Variants in CEP250 observed in about 807,000 individuals in gnomAD.
CEP250 encodes the protein centrosome-associated protein CEP250.
Under a neutral mutation model 315.7 loss-of-function variants are expected in CEP250, and 242 were observed. The ratio of observed to expected loss-of-function variants is 0.77; its 90% CI spans 0.69 to 0.85. The LOEUF (loss-of-function observed/expected upper bound fraction) is 0.85. Among genes scored for constraint, CEP250 ranks in the 40% least tolerant of loss-of-function variants. The probability of loss-of-function intolerance (pLI) is 0.00; values close to 1 mark genes in which losing one functional copy is unlikely to be tolerated. For synonymous variants in CEP250, 1,088 were observed against 1,175.0 expected, an observed-to-expected ratio of 0.93 and a Z score of 1.51; for missense variants, 2,515 against 2,886.4, an observed-to-expected ratio of 0.87 and a Z score of 2.95.
At position 35,507,783 on chromosome 20, in the gene CEP250, C is replaced by T. The variant is rs768366813; in HGVS notation, c.6682C>T (p.His2228Tyr). The T allele has an allele frequency of 3.8e-6, 6 of 1,564,582 alleles. No homozygotes were observed. The highest frequency in any genetic ancestry group is 2.4e-5 in the East Asian group (1 of 41,688). ...TRRALEKERL[H>Y]SPGATSTAEL... ...ACGGGCTCTGGAGAAGGAGCGGCTACACAGCCCAGGTGCAACCAGCACAGC... is the reference window on the plus strand; with the variant it reads ...ACGGGCTCTGGAGAAGGAGCGGCTATACAGCCCAGGTGCAACCAGCACAGC... Residue 2228 changes from histidine to tyrosine, a missense_variant, in exon 31 of 35, where the codon CAC becomes TAC. Physicochemically the swap from His to Tyr is moderately conservative, Grantham distance 83. Transcript: ENST00000397527.
At position 35,493,419 on chromosome 20, in the gene CEP250, C is replaced by T. The variant is rs1187353026; in HGVS notation, c.2890-10C>T. ...TTTCCTCTACTCAATGATTTCTTAT[C>T]CCTCTTCAGGAGACCACTGGGATAC... is the stretch of plus-strand genomic sequence containing the variant. On this transcript the variant is annotated splice_polypyrimidine_tract_variant and intron_variant, in intron 22 of 34. Transcript: ENST00000397527. The T allele has an allele frequency of 6.5e-7, 1 of 1,546,564 alleles. No homozygotes were observed. The highest frequency in any genetic ancestry group is 2.4e-5 in the East Asian group (1 of 42,030).
intron 20 of CEP250, chr20:35,481,142 G>A (rs562299227): frequency 1.3e-5 from 2 of 152,128 alleles, no homozygotes; most frequent in Non-Finnish European, 2.9e-5. Context: ...CCTGGGCCAG[G>A]GACAGTGGCT....
intron 18 of CEP250, 56 bp downstream of exon 18, chr20:35,479,480 G>T: frequency 6.4e-7 from 1 of 1,566,426 alleles, no homozygotes; most frequent in Admixed American, 1.9e-5. Flanking sequence ...AGGCAAAGGC[G>T]TGAAGCTAAG....
intron 12 of CEP250, 21 bp downstream of exon 12, chr20:35,472,852 A>G: frequency 6.2e-7 from 1 of 1,613,192 alleles, no homozygotes; most frequent in Non-Finnish European, 8.5e-7. Context: ...TCAGCATTCC[A>G]CCTCAGTCAC....
chr20:35,474,818 G>A (rs766975587), intron 14 of CEP250: 10 of 470,932 alleles, frequency 2.1e-5, no homozygotes, highest in Non-Finnish European at 4.4e-5. Context: ...TGAGAGCAAT[G>A]TTTTGGAAAA....
chr20:35,487,976 A>G (rs2063566240), intron 20 of CEP250, among the ~76,000 whole-genome samples: 1 of 152,232 alleles, frequency 6.6e-6, no homozygotes, highest in Admixed American at 6.5e-5. Flanking sequence ...TTCATGTTGA[A>G]CCAAAACCTA....
intron 28 of CEP250, 88 bp downstream of exon 28, chr20:35,500,257 C>T: frequency 1.3e-6 from 2 of 1,497,262 alleles, no homozygotes; most frequent in East Asian, 2.3e-5. Flanking sequence ...CTAGCAGCCA[C>T]TCTGTTTATT....
intron 16 of CEP250, 45 bp from the exon 17 acceptor site, chr20:35,477,826 C>A: frequency 6.9e-7 from 1 of 1,449,618 alleles, no homozygotes; most frequent in Non-Finnish European, 9.5e-7. Flanking sequence ...CTAAACTAAC[C>A]ATTTGTCTTT....
rs770705940 is a variant in CEP250 at position 35,472,657 on chromosome 20, C to A, written c.1051-16C>A. 6.2e-7 allele frequency: 1 copy of A among 1,613,628 alleles called. No homozygotes were observed. The highest frequency in any genetic ancestry group is 1.7e-5 in the Admixed American group (1 of 60,000). On this transcript the variant is annotated splice_polypyrimidine_tract_variant and intron_variant, in intron 11 of 34. Transcript: ENST00000397527. The stretch of plus-strand genomic sequence containing the variant: ...TTTGGTCAGTAGGGTGGTGACCTTG[C>A]TGTATTGGGTTTCAGGTCATGGTGG...
intron 20 of CEP250, among the ~76,000 whole-genome samples, chr20:35,483,857 C>T (rs772936151): frequency 4.0e-5 from 6 of 151,878 alleles, no homozygotes; most frequent in Admixed American, 6.6e-5. Flanking sequence ...TCAGCTGTGT[C>T]GAATCTGATG....
Position 35,462,426 on chromosome 20 carries a change from T to C in CEP250, c.59T>C (p.Leu20Pro). ...AAGCCCCAGTCACTGCAGCTGGTACTGGAAGAGCAGGTGCTGGCACTACAG... is the reference window on the plus strand; with the variant it reads ...AAGCCCCAGTCACTGCAGCTGGTACCGGAAGAGCAGGTGCTGGCACTACAG... ...NMKPQSLQLV[L>P]EEQVLALQQQ... Residue 20 changes from leucine (L) to proline (P), a missense_variant, in exon 4 of 35, where the codon CTG becomes CCG. Coordinates refer to ENST00000397527, the MANE Select transcript of CEP250 (RefSeq NM_007186.6). 1 of 1,602,894 alleles carries C rather than the reference T, an allele frequency of 6.2e-7. No individual in the cohort carries two copies. Among genetic ancestry groups the C allele is most frequent in the Non-Finnish European group, 8.5e-7 (1 of 1,174,548 alleles).
intron 20 of CEP250, among the ~76,000 whole-genome samples, chr20:35,485,828 T>G (rs1179255173): frequency 5.4e-5 from 8 of 146,806 alleles, no homozygotes; most frequent in Non-Finnish European, 1.1e-4. Context: ...CTAAGTTTTT[T>G]TTTTTTTTTT....
At chr20:35,495,889 G>T (rs2063822655) in intron 24 of CEP250, among the ~76,000 whole-genome samples, 1 of 152,172 alleles carries the variant, frequency 6.6e-6, no homozygotes, top group Admixed American at 6.5e-5. Context: ...CCAAGGTAGG[G>T]TAGTGGGGAA....
chr20:35,476,545 A>G lies in CEP250; in HGVS notation c.1813A>G (p.Asn605Asp). Residue 605 changes from asparagine (N) to aspartate (D), a missense_variant, in exon 16 of 35, where the codon AAT becomes GAT. Coordinates refer to ENST00000397527, the MANE Select transcript of CEP250 (RefSeq NM_007186.6). ...RAAAVKLSAL[N>D]EALALDKVGL... The stretch of plus-strand genomic sequence containing the variant: ...TGCAGCTGTCAAGCTCAGTGCCTTA[A>G]ATGAGGCTTTGGCGTTAGATAAAGT... 6.2e-7 allele frequency: 1 copy of G among 1,614,050 alleles called. No homozygotes were observed. The highest frequency in any genetic ancestry group is 1.3e-5 in the African/African-American group (1 of 75,042).
chr20:35,509,873 A>G, intron 33 of CEP250, 125 bp from the exon 34 acceptor site: 1 of 836,596 alleles, frequency 1.2e-6, no homozygotes, highest in Non-Finnish European at 2.1e-6. Flanking sequence ...GTCTGAGTTC[A>G]GATGCTTCTG....
chr20:35,476,262 C>G (rs2063170373), intron 15 of CEP250, 187 bp from the exon 16 acceptor site: 1 of 536,606 alleles, frequency 1.9e-6, no homozygotes. Flanking sequence ...TTTGGTATCT[C>G]TATACTGTGA....
intron 20 of CEP250, among the ~76,000 whole-genome samples, chr20:35,489,752 C>A (rs945942857): frequency 6.6e-6 from 1 of 152,228 alleles, no homozygotes; most frequent in East Asian, 1.9e-4. Context: ...GAGACATCCT[C>A]ACTGGGCCAG....
Position 35,503,915 on chromosome 20 carries a change from A to C in CEP250, c.5546A>C (p.Gln1849Pro). The C allele has an allele frequency of 4.3e-6, 7 of 1,613,902 alleles. No individual in the cohort carries two copies. Among genetic ancestry groups the C allele is most frequent in the Non-Finnish European group, 5.9e-6 (7 of 1,179,866 alleles). Residue 1849 changes from glutamine to proline, a missense_variant, in exon 30 of 35, where the codon CAA becomes CCA. Coordinates refer to ENST00000397527, the MANE Select transcript of CEP250 (RefSeq NM_007186.6). This position sits in a 1 kb window ranked among gnomAD's most constrained non-coding sequence, Gnocchi z 4.2. Reference sequence around the variant, plus strand: ...GACGCCCTCCAGGGAGCTCTGGAGCAAGCCCATATGACACTGAAGGAGCGT... The same window carrying C: ...GACGCCCTCCAGGGAGCTCTGGAGCCAGCCCATATGACACTGAAGGAGCGT... ...KADALQGALEQAHMTLKERHG... is the reference protein window; with the variant it reads ...KADALQGALEPAHMTLKERHG...
intron 5 of CEP250, among the ~76,000 whole-genome samples, chr20:35,464,452 C>T (rs1376438843): frequency 6.6e-6 from 1 of 152,100 alleles, no homozygotes; most frequent in Non-Finnish European, 1.5e-5. Flanking sequence ...GCTGGGACTA[C>T]AGATACATGC....
Sources: gnomAD v4.1 joint callset for allele counts (sites outside exome capture counted in the v4.1 genomes callset) on GRCh38, gnomAD v4.1.1 for gene constraint, Gnocchi (gnomAD v3.1) non-coding constraint, MANE v1.5 for transcripts, NCBI Gene and HGNC (gene_info 2026-07-23, HGNC 2026-07-21) for gene names.